The following PRKN variants were observed in gnomAD, a reference collection of about 807,000 sequenced individuals.
PRKN encodes E3 ubiquitin-protein ligase parkin.
In PRKN, 56 loss-of-function variants were observed where a neutral mutation model predicts 59.5. The ratio of observed to expected loss-of-function variants is 0.94; its 90% CI spans 0.76 to 1.18. PRKN has a LOEUF of 1.18. Among genes scored for constraint, PRKN ranks in the 50% most tolerant of loss-of-function variants. PRKN has a pLI of 0.00. For synonymous variants in PRKN, 250 were observed against 222.1 expected, an observed-to-expected ratio of 1.13 and a Z score of -1.12; for missense variants, 657 against 596.4, an observed-to-expected ratio of 1.10 and a Z score of -1.06.
rs79155274 is a variant in PRKN, at chr6:161,637,195, G to A, written c.872-67779C>T. Among the ~76,000 whole-genome samples, 440 of 152,250 alleles carry A rather than the reference G, an allele frequency of 2.9e-3. 3 individuals carry two copies. Among genetic ancestry groups the A allele is most frequent in the Non-Finnish European group, 3.9e-3 (262 of 68,020 alleles). On this transcript the variant is annotated intron_variant, in intron 7 of 11. Transcript: ENST00000366898. ...TTTTTCTAAGGTATTCATGCATGTA[G>A]GAAATGCTTCTGAGGGTCCCTTCAC...
At chr6:161,722,571 G>A (rs1428626986) in intron 7 of PRKN, among the ~76,000 whole-genome samples, 3 of 152,186 alleles carry the variant, frequency 2.0e-5, no homozygotes, top group South Asian at 4.1e-4. Context: ...TGGTCCAAAC[G>A]TGTAAACATT....
At chr6:162,029,778 T>TATAC (rs1460957358) in intron 5 of PRKN, among the ~76,000 whole-genome samples, 1 of 152,232 alleles carries the variant, frequency 6.6e-6, no homozygotes, top group Non-Finnish European at 1.5e-5. Context: ...TCCTTCCTAG[T>TATAC]ATACACCATA....
intron 7 of PRKN, among the ~76,000 whole-genome samples, chr6:161,625,114 GTATGTT>G (rs1783037524): frequency 6.6e-6 from 1 of 152,178 alleles, no homozygotes; most frequent in Non-Finnish European, 1.5e-5. Flanking sequence ...ACATGCACAT[GTATGTT>G]TATTGCAGCA....
chr6:162,169,704 C>A (rs1783170212), intron 4 of PRKN, among the ~76,000 whole-genome samples: 1 of 152,176 alleles, frequency 6.6e-6, no homozygotes, highest in African/African-American at 2.4e-5. Flanking sequence ...AAGGCATGTG[C>A]CACTTTTAGT....
At chr6:161,619,986 T>G (rs1176832411) in intron 7 of PRKN, among the ~76,000 whole-genome samples, 1 of 125,642 alleles carries the variant, frequency 8.0e-6, no homozygotes, top group Non-Finnish European at 1.7e-5. Flanking sequence ...TTATTCTTTT[T>G]TTTTTTTTTT....
intron 2 of PRKN, among the ~76,000 whole-genome samples, chr6:162,349,372 C>G (rs1784532532): frequency 6.6e-6 from 1 of 152,088 alleles, no homozygotes; most frequent in Non-Finnish European, 1.5e-5. Flanking sequence ...GGGGCAGAGG[C>G]AGGAGAATCG....
intron 2 of PRKN, among the ~76,000 whole-genome samples, chr6:162,303,731 T>C (rs537260026): frequency 6.6e-6 from 1 of 152,292 alleles, no homozygotes. Flanking sequence ...TTTTTAAAAG[T>C]ATACATGTAT....
At chr6:162,317,422 A>C (rs1272727290) in intron 2 of PRKN, among the ~76,000 whole-genome samples, 1 of 152,064 alleles carries the variant, frequency 6.6e-6, no homozygotes, top group East Asian at 1.9e-4. Flanking sequence ...AGGCCTCTCC[A>C]GGCATGTGGA....
At chr6:161,668,041 T>A (rs1398073809) in intron 7 of PRKN, among the ~76,000 whole-genome samples, 4 of 152,158 alleles carry the variant, frequency 2.6e-5, no homozygotes, top group African/African-American at 9.7e-5. Context: ...ATTCTCTAGA[T>A]CTTGATGTAT....
chr6:161,730,895 G>A lies in PRKN; in HGVS notation c.871+54877C>T, dbSNP rs537783410. On this transcript the variant is annotated intron_variant, in intron 7 of 11. Coordinates refer to ENST00000366898, the MANE Select transcript of PRKN (RefSeq NM_004562.3). ...TCTTTCTGATATGTTGCATTCTGGC[G>A]TGTTGCATTCTTTCAGATATGTTGC... 1.2e-3 allele frequency among the ~76,000 whole-genome samples: 182 copies of A among 151,358 alleles called. 2 individuals are homozygous for A. Among genetic ancestry groups the A allele is most frequent in the Non-Finnish European group, 1.5e-3 (101 of 67,880 alleles).
At chr6:162,545,833 G>A (rs1243269808) in intron 1 of PRKN, among the ~76,000 whole-genome samples, 1 of 152,046 alleles carries the variant, frequency 6.6e-6, no homozygotes, top group Non-Finnish European at 1.5e-5. Context: ...CTCCGAATTG[G>A]TAATTGGGGG....
At chr6:161,820,767 T>A (rs1455377632) in intron 6 of PRKN, among the ~76,000 whole-genome samples, 1 of 150,200 alleles carries the variant, frequency 6.7e-6, no homozygotes, top group East Asian at 1.9e-4. Flanking sequence ...CATAAATATA[T>A]AAACAATTGT....
intron 1 of PRKN, among the ~76,000 whole-genome samples, chr6:162,683,041 T>A (rs1161219727): frequency 1.3e-5 from 2 of 152,218 alleles, no homozygotes; most frequent in African/African-American, 2.4e-5. Flanking sequence ...CAATAATTGT[T>A]ATTTTTACTT....
Position 162,682,298 on chromosome 6 carries a change from C to T in PRKN, c.7+45364G>A, listed in dbSNP as rs60876442. 6.7e-3 allele frequency among the ~76,000 whole-genome samples: 1,025 copies of T among 152,006 alleles called. 30 individuals carry two copies. In the East Asian group the frequency reaches 0.091, roughly 14 times the overall value. On this transcript the variant is annotated intron_variant, in intron 1 of 11. Coordinates refer to ENST00000366898, the MANE Select transcript of PRKN (RefSeq NM_004562.3). ...TATAAATTGTCCTACCATAAAGACACAGGCACTCATAGGTTCATCGTAGCA... is the reference window on the plus strand; with the variant it reads ...TATAAATTGTCCTACCATAAAGACATAGGCACTCATAGGTTCATCGTAGCA...
intron 6 of PRKN, among the ~76,000 whole-genome samples, chr6:161,874,203 TATATGTAAAATATA>T (rs1794516493): frequency 2.2e-5 from 1 of 45,518 alleles, no homozygotes; most frequent in African/African-American, 9.5e-5. Context: ...TAATATATAT[TATATGTAAAATATA>T]ATATATATTA....
At chr6:161,748,332 G>A (rs1303627828) in intron 7 of PRKN, among the ~76,000 whole-genome samples, 1 of 150,364 alleles carries the variant, frequency 6.7e-6, no homozygotes. Context: ...CCTTTTTGCT[G>A]ATCCCGAATC....
chr6:162,082,300 T>C (rs1162771396), intron 4 of PRKN, among the ~76,000 whole-genome samples: 1 of 152,084 alleles, frequency 6.6e-6, no homozygotes, highest in Non-Finnish European at 1.5e-5. Context: ...GCCATGATTA[T>C]GAGGCCTCCC....
At chr6:162,691,057 C>A (rs1229960822) in intron 1 of PRKN, among the ~76,000 whole-genome samples, 1 of 152,032 alleles carries the variant, frequency 6.6e-6, no homozygotes, top group Non-Finnish European at 1.5e-5. Flanking sequence ...TCCCATTCAT[C>A]TTTTTCAAAA....
chr6:162,418,665 G>T (rs1270838643), intron 2 of PRKN, among the ~76,000 whole-genome samples: 2 of 84,966 alleles, frequency 2.4e-5, no homozygotes, highest in African/African-American at 1.3e-4. Context: ...TGTGTGTTGA[G>T]GGGGGGGATG....
Sources: gnomAD v4.1 joint callset for allele counts (sites outside exome capture counted in the v4.1 genomes callset) on GRCh38, gnomAD v4.1.1 for gene constraint, MANE v1.5 for transcripts, NCBI Gene and HGNC (gene_info 2026-07-23, HGNC 2026-07-21) for gene names.